The following TWIST2 variants were observed in gnomAD, a reference collection of about 807,000 sequenced individuals.
TWIST2 encodes the protein twist-related protein 2.
In TWIST2, 1 loss-of-function variant was observed where a neutral mutation model predicts 11.6. The observed-to-expected ratio is 0.09, with a 90% CI of 0.03 to 0.41. The LOEUF is 0.41. Ranked by LOEUF, TWIST2 falls within the 10% of genes least tolerant of loss-of-function variation. The probability of loss-of-function intolerance (pLI) is 0.98; values close to 1 mark genes in which losing one functional copy is unlikely to be tolerated. For missense variants in TWIST2, 168 were observed against 226.4 expected, an observed-to-expected ratio of 0.74 and a Z score of 1.66; for synonymous variants, 87 against 96.6, an observed-to-expected ratio of 0.90 and a Z score of 0.58.
intron 1 of TWIST2, among the ~76,000 whole-genome samples, chr2:238,871,176 ACACACCC>A (rs1559274809): frequency 6.3e-4 from 7 of 11,104 alleles, no homozygotes; most frequent in Non-Finnish European, 8.3e-4. Context: ...CACACACACC[ACACACCC>A]CACACACACA....
At chr2:238,905,976 CGCGCGTGTACGT>C (rs1239969943) in intron 1 of TWIST2, among the ~76,000 whole-genome samples, 1 of 130,558 alleles carries the variant, frequency 7.7e-6, no homozygotes, top group Admixed American at 7.3e-5. Flanking sequence ...TGTGTGTGCG[CGCGCGTGTACGT>C]GCGCGTGTGT....
chr2:238,900,558 G>A (rs1225266980), intron 1 of TWIST2, among the ~76,000 whole-genome samples: 1 of 152,242 alleles, frequency 6.6e-6, no homozygotes, highest in Non-Finnish European at 1.5e-5. Flanking sequence ...GGCATTTCTA[G>A]TGGAATTTCC....
intron 1 of TWIST2, among the ~76,000 whole-genome samples, chr2:238,908,198 C>T (rs1044997034): frequency 7.3e-4 from 108 of 147,190 alleles, no homozygotes; most frequent in Middle Eastern, 4.2e-3. Context: ...CACATACACA[C>T]GCCACACTGT....
intron 1 of TWIST2, among the ~76,000 whole-genome samples, chr2:238,898,142 C>T (rs1316200629): frequency 2.0e-5 from 3 of 152,198 alleles, no homozygotes; most frequent in African/African-American, 7.2e-5. Context: ...GGCCCGGGTG[C>T]TGGGGGTGGG....
intron 1 of TWIST2, among the ~76,000 whole-genome samples, chr2:238,877,350 C>T (rs140520266): frequency 0.056 from 8,517 of 152,006 alleles, 500 homozygotes; most frequent in East Asian, 0.29. Context: ...GGGCTATTGG[C>T]AAGCAGAAGA....
intron 1 of TWIST2, among the ~76,000 whole-genome samples, chr2:238,892,647 A>AT (rs112767939): frequency 0.75 from 113,562 of 151,420 alleles, 43,066 homozygotes; most frequent in Non-Finnish European, 0.8. Flanking sequence ...CGCCTGGCTA[A>AT]TTTTTTGTAT....
At chr2:238,869,892 G>T (rs1345934804) in intron 1 of TWIST2, among the ~76,000 whole-genome samples, 1 of 152,028 alleles carries the variant, frequency 6.6e-6, no homozygotes, top group Non-Finnish European at 1.5e-5. Context: ...AGGTTACAGT[G>T]AGCTATGCAC....
chr2:238,909,477 C>T (rs1382706122), intron 1 of TWIST2, among the ~76,000 whole-genome samples: 2 of 152,154 alleles, frequency 1.3e-5, no homozygotes, highest in Non-Finnish European at 2.9e-5. Flanking sequence ...TCTCTTGTCC[C>T]CAGGCAGCCT....
rs1180564139 is a variant in TWIST2, at chr2:238,870,354, CCCACACACACA to C, written c.*35+21630_*35+21640del. On this transcript the variant is annotated intron_variant, in intron 1 of 1. Transcript: ENST00000612363. ...CACACACCCCACACACACCACACAC[CCCACACACACA>C]CCACACACCCCACACACCCCACACA... Among the ~76,000 whole-genome samples the C allele has an allele frequency of 8.5e-4, 3 of 3,538 alleles. 1 individual carries two copies. The highest frequency in any genetic ancestry group is 2.2e-3 in the Non-Finnish European group (3 of 1,364). 2.3% of individuals were successfully genotyped at this position (3,538 alleles called of 152,430 possible).
rs1038275831 is a variant in TWIST2 at position 238,867,032 on chromosome 2, A to T, written c.*35+18299A>T. ...AACGCATGTTTTCTGTGCATCTGTG[A>T]TTTACAATTCCCTGGCTGCCTTCCA... is the stretch of plus-strand genomic sequence containing the variant. On this transcript the variant is annotated intron_variant, in intron 1 of 1. Coordinates refer to ENST00000612363, the MANE Select transcript of TWIST2 (RefSeq NM_001271893.4). This position sits in a 1 kb window ranked among gnomAD's most constrained non-coding sequence, Gnocchi z 4.8. 2.0e-5 allele frequency among the ~76,000 whole-genome samples: 3 copies of T among 152,038 alleles called. No individual in the cohort carries two copies. Among genetic ancestry groups the T allele is most frequent in the African/African-American group, 7.2e-5 (3 of 41,394 alleles).
rs770733328 is a variant in TWIST2 at position 238,864,086 on chromosome 2, G to A, written c.*35+15353G>A. Among the ~76,000 whole-genome samples the A allele has an allele frequency of 2.6e-5, 4 of 152,014 alleles. No homozygotes were observed. Among genetic ancestry groups the A allele is most frequent in the Non-Finnish European group, 2.9e-5 (2 of 68,026 alleles). The stretch of plus-strand genomic sequence containing the variant: ...CTTTACACCCTGGGCTACATTTGAC[G>A]CATATTTCTGGCAAATTCTGGGACC... On this transcript the variant is annotated intron_variant, in intron 1 of 1. Transcript: ENST00000612363. This position sits in a 1 kb window ranked among gnomAD's most constrained non-coding sequence, Gnocchi z 4.7.
At chr2:238,897,987 C>T (rs1693224717) in intron 1 of TWIST2, among the ~76,000 whole-genome samples, 2 of 152,356 alleles carry the variant, frequency 1.3e-5, no homozygotes, top group Admixed American at 1.3e-4. Context: ...GTCCACAGGG[C>T]TGGACTCGGC....
chr2:238,902,792 TTGTGA>T (rs1226217742), intron 1 of TWIST2, among the ~76,000 whole-genome samples: 3 of 134,038 alleles, frequency 2.2e-5, no homozygotes, highest in Non-Finnish European at 3.2e-5. Flanking sequence ...ATGTGGGGTG[TTGTGA>T]TGTGTGAGGT....
chr2:238,854,132 A>G (rs1056113178), intron 1 of TWIST2, among the ~76,000 whole-genome samples: 11 of 152,206 alleles, frequency 7.2e-5, no homozygotes, highest in African/African-American at 2.7e-4. Flanking sequence ...TCTTTAGTTC[A>G]GATTTTCCCT....
rs751874652 is a variant in TWIST2 at position 238,867,411 on chromosome 2, A to ACACACACACACACT, written c.*35+18679_*35+18680insACACACACACACTC. Among the ~76,000 whole-genome samples the ACACACACACACACT allele has an allele frequency of 2.6e-3, 374 of 144,954 alleles. No individual in the cohort carries two copies. Among genetic ancestry groups the ACACACACACACACT allele is most frequent in the Non-Finnish European group, 4.2e-3 (273 of 65,672 alleles). Reference sequence around the variant, plus strand: ...CACACACACACACACACACACACACACTCCTCAGTAAAATACCCAGTTCTC... The same window carrying ACACACACACACACT: ...CACACACACACACACACACACACACACACACACACACACTCTCCTCAGTAAAATACCCAGTTCTC... On this transcript the variant is annotated intron_variant, in intron 1 of 1. Transcript: ENST00000612363. This position sits in a 1 kb window ranked among gnomAD's most constrained non-coding sequence, Gnocchi z 4.8.
intron 1 of TWIST2, among the ~76,000 whole-genome samples, chr2:238,896,240 A>G (rs1693206140): frequency 6.6e-6 from 1 of 152,140 alleles, no homozygotes. Context: ...CGAACGCCCC[A>G]TGTGTGGGGC....
In TWIST2 at chr2:238,894,505, G is replaced by A. The variant is rs962825668; in HGVS notation, c.*36-15337G>A. ...CTCCCTCTGGGCCATTGGGGGAGCC[G>A]CCCTGCCCAGGCCCCACCTCGGGGT... On this transcript the variant is annotated intron_variant, in intron 1 of 1. Coordinates refer to ENST00000612363, the MANE Select transcript of TWIST2 (RefSeq NM_001271893.4). 3.9e-3 allele frequency among the ~76,000 whole-genome samples: 589 copies of A among 152,280 alleles called. 7 individuals carry two copies. The highest frequency in any genetic ancestry group is 0.013 in the African/African-American group (544 of 41,558).
intron 1 of TWIST2, among the ~76,000 whole-genome samples, chr2:238,886,587 G>A (rs546385515): frequency 2.0e-5 from 3 of 151,930 alleles, no homozygotes; most frequent in Non-Finnish European, 2.9e-5. Context: ...CTGGAGCCCC[G>A]GGGGCATGGG....
rs1464242724 is a variant in TWIST2 at position 238,866,281 on chromosome 2, T to C, written c.*35+17548T>C. 1.3e-5 allele frequency among the ~76,000 whole-genome samples: 2 copies of C among 152,192 alleles called. No homozygotes were observed. The highest frequency in any genetic ancestry group is 4.8e-5 in the African/African-American group (2 of 41,450). On this transcript the variant is annotated intron_variant, in intron 1 of 1. Transcript: ENST00000612363. This position sits in a 1 kb window ranked among gnomAD's most constrained non-coding sequence, Gnocchi z 4.9. ...CCAGGCCAGGAGCATGTCTGTCCTT[T>C]TCACCCTGTACCCAGCACTTGGAGC... is the stretch of plus-strand genomic sequence containing the variant.
Sources: allele counts gnomAD v4.1 joint callset (sites outside exome capture counted in the v4.1 genomes callset), GRCh38; gene constraint gnomAD v4.1.1; non-coding constraint Gnocchi (gnomAD v3.1); transcripts MANE v1.5; gene names NCBI Gene and HGNC (gene_info 2026-07-23, HGNC 2026-07-21).